Variants in TENM3 observed in about 807,000 individuals in gnomAD.
TENM3 encodes the protein teneurin transmembrane protein 3.
Under a neutral mutation model 255.1 loss-of-function variants are expected in TENM3, and 63 were observed. The observed-to-expected ratio is 0.25, with a 90% confidence interval of 0.20 to 0.30. TENM3 has a LOEUF of 0.30. Among genes scored for constraint, TENM3 ranks in the 10% least tolerant of loss-of-function variants. TENM3 has a pLI of 1.00. For missense variants in TENM3, 2,929 were observed against 3,461.1 expected (o/e 0.85, Z 3.86); for synonymous variants, 1,306 against 1,322.3 (o/e 0.99, Z 0.27).
chr4:182,073,932 C>T, the TENM3 span, among the ~76,000 whole-genome samples: 1 of 152,196 alleles, frequency 6.6e-6, no homozygotes. Flanking sequence ...TTAACCCCTT[C>T]ACTTTGCAGA....
intron 16 of TENM3, among the ~76,000 whole-genome samples, chr4:182,733,724 G>A (rs1760954164): frequency 1.3e-5 from 2 of 152,198 alleles, no homozygotes; most frequent in Non-Finnish European, 2.9e-5. Flanking sequence ...ACACCTCAGG[G>A]ATTCATTGTA....
At chr4:182,132,439 C>T in the TENM3 span, among the ~76,000 whole-genome samples, 13 of 152,140 alleles carry the variant, frequency 8.5e-5, 1 homozygote, top group South Asian at 2.7e-3. Context: ...GCTGAGATCA[C>T]ACCACTGCAC....
chr4:182,283,945 G>A (rs1318098544), intron 1 of TENM3, among the ~76,000 whole-genome samples: 1 of 152,138 alleles, frequency 6.6e-6, no homozygotes, highest in East Asian at 1.9e-4. Context: ...TCTTTTGATG[G>A]TGTTTGTGGA....
the TENM3 span, among the ~76,000 whole-genome samples, chr4:181,787,361 C>G: frequency 7.0e-6 from 1 of 143,874 alleles, no homozygotes; most frequent in Non-Finnish European, 1.5e-5. Context: ...TTTTTTGAGA[C>G]GGAGTCTCAC....
the TENM3 span, among the ~76,000 whole-genome samples, chr4:181,493,494 G>T: frequency 5.0e-4 from 76 of 152,104 alleles, no homozygotes; most frequent in Non-Finnish European, 7.6e-4. Flanking sequence ...ACTTTGAGAG[G>T]CCGAGGCAGG....
At chr4:182,081,094 CA>C in the TENM3 span, among the ~76,000 whole-genome samples, 1 of 152,070 alleles carries the variant, frequency 6.6e-6, no homozygotes, top group Non-Finnish European at 1.5e-5. Context: ...AAACAAGATT[CA>C]TAATGGTTGT....
chr4:181,518,416 TGTTTGGTTTG>T, the TENM3 span, among the ~76,000 whole-genome samples: 22 of 152,072 alleles, frequency 1.4e-4, no homozygotes, highest in Non-Finnish European at 2.2e-4. Context: ...TTGTTGTTGT[TGTTTGGTTTG>T]GTTTGGTTTG....
the TENM3 span, among the ~76,000 whole-genome samples, chr4:181,800,064 A>G: frequency 6.6e-6 from 1 of 152,180 alleles, no homozygotes; most frequent in Non-Finnish European, 1.5e-5. Flanking sequence ...TTCAAAAAAG[A>G]GCCAGAAATT....
At chr4:182,005,398 T>C in the TENM3 span, among the ~76,000 whole-genome samples, 6 of 152,198 alleles carry the variant, frequency 3.9e-5, no homozygotes, top group African/African-American at 1.4e-4. Context: ...GTGTTATTTC[T>C]GAGGTCTCTG....
the TENM3 span, among the ~76,000 whole-genome samples, chr4:181,721,661 G>C: frequency 6.7e-6 from 1 of 148,468 alleles, no homozygotes; most frequent in Admixed American, 6.7e-5. Context: ...TGGGGAGGAA[G>C]AGGAATGCAG....
intron 4 of TENM3, among the ~76,000 whole-genome samples, chr4:182,623,391 C>A (rs1035621447): frequency 1.3e-5 from 2 of 151,824 alleles, no homozygotes; most frequent in African/African-American, 4.8e-5. Flanking sequence ...CAACCTCCAT[C>A]TCCTGGGTTC....
At chr4:182,149,812 A>C (rs1163983119) in intron 1 of TENM3, among the ~76,000 whole-genome samples, 1 of 152,032 alleles carries the variant, frequency 6.6e-6, no homozygotes, top group Admixed American at 6.6e-5. Context: ...ATCATTACTT[A>C]TGGAGATGTG....
At chr4:181,864,598 G>C in the TENM3 span, among the ~76,000 whole-genome samples, 1 of 152,158 alleles carries the variant, frequency 6.6e-6, no homozygotes, top group South Asian at 2.1e-4. Flanking sequence ...GTAACAACTA[G>C]AGCTGACAGC....
chr4:182,696,364 T>C (rs901350509), intron 12 of TENM3, among the ~76,000 whole-genome samples: 5 of 152,108 alleles, frequency 3.3e-5, no homozygotes, highest in Non-Finnish European at 5.9e-5. Flanking sequence ...AAAGAGGCAA[T>C]CAAAGAGTAA....
intron 3 of TENM3, among the ~76,000 whole-genome samples, chr4:182,465,192 T>A (rs940497445): frequency 6.6e-6 from 1 of 152,230 alleles, no homozygotes; most frequent in Non-Finnish European, 1.5e-5. Context: ...ATATTTGCAC[T>A]GGGTTTATAT....
chr4:181,759,445 AG>A, the TENM3 span, among the ~76,000 whole-genome samples: 1 of 152,168 alleles, frequency 6.6e-6, no homozygotes, highest in Non-Finnish European at 1.5e-5. Context: ...CCAAAAAAAA[AG>A]TTGGAGTTAC....
chr4:181,934,046 TTC>T, the TENM3 span, among the ~76,000 whole-genome samples: 2 of 137,594 alleles, frequency 1.5e-5, no homozygotes, highest in Admixed American at 1.4e-4. Flanking sequence ...AAATTCCCCT[TTC>T]TGTGTGTGTG....
intron 3 of TENM3, among the ~76,000 whole-genome samples, chr4:182,535,060 A>T (rs181471055): frequency 2.6e-5 from 4 of 152,302 alleles, no homozygotes; most frequent in Non-Finnish European, 5.9e-5. Flanking sequence ...TCCTCAAATT[A>T]GCCCAGTGCA....
chr4:181,841,158 G>A, the TENM3 span, among the ~76,000 whole-genome samples: 1 of 152,010 alleles, frequency 6.6e-6, no homozygotes, highest in African/African-American at 2.4e-5. Flanking sequence ...TGCATTTTCA[G>A]TTGAATATCT....
Sources: gnomAD v4.1 joint callset for allele counts (sites outside exome capture counted in the v4.1 genomes callset) on GRCh38, gnomAD v4.1.1 for gene constraint, MANE v1.5 for transcripts, NCBI Gene and HGNC (gene_info 2026-07-23, HGNC 2026-07-21) for gene names.